The following FRMPD4 variants were observed in gnomAD, a reference collection of about 807,000 sequenced individuals.
FRMPD4 encodes the protein FERM and PDZ domain containing 4.
Under a neutral mutation model 94.1 loss-of-function variants are expected in FRMPD4, and 22 were observed. The observed-to-expected ratio is 0.23, with a 90% CI of 0.17 to 0.33. The LOEUF (loss-of-function observed/expected upper bound fraction) is 0.33, where lower values mean the gene tolerates loss of function less well. Ranked by LOEUF, FRMPD4 falls within the 10% of genes least tolerant of loss-of-function variation. The probability of loss-of-function intolerance (pLI) is 1.00; values close to 1 mark genes in which losing one functional copy is unlikely to be tolerated. For missense variants in FRMPD4, 1,111 were observed against 1,339.9 expected (o/e 0.83, Z 2.67); for synonymous variants, 631 against 548.6 (o/e 1.15, Z -2.10).
At chrX:12,400,840 G>C (rs1008018346) in intron 1 of FRMPD4, among the ~76,000 whole-genome samples, 11 of 112,071 alleles carry the variant, frequency 9.8e-5, no homozygotes, top group African/African-American at 3.6e-4. Context: ...CTGATGTTGT[G>C]ACCAACAGTT....
intron 1 of FRMPD4, among the ~76,000 whole-genome samples, chrX:12,202,820 A>G (rs1323315784): frequency 1.8e-5 from 2 of 112,082 alleles, no homozygotes; most frequent in Non-Finnish European, 3.8e-5. Flanking sequence ...GCCATGTAAC[A>G]ACAGAGGCTG....
intron 3 of FRMPD4, among the ~76,000 whole-genome samples, chrX:11,994,129 A>G (rs1002846567): frequency 5.4e-5 from 6 of 110,586 alleles, no homozygotes; most frequent in Admixed American, 9.6e-5. Flanking sequence ...CAATTGCACG[A>G]AGGGGTGCAA....
chrX:11,978,689 T>C (rs1486500523), intron 3 of FRMPD4, among the ~76,000 whole-genome samples: 1 of 112,020 alleles, frequency 8.9e-6, no homozygotes, highest in Non-Finnish European at 1.9e-5. Flanking sequence ...AGTAGAGTGT[T>C]TGTGGAGAAC....
At chrX:12,658,756 G>C (rs12389844) in intron 4 of FRMPD4, among the ~76,000 whole-genome samples, 2,174 of 110,579 alleles carry the variant, frequency 0.02, 52 homozygotes, top group African/African-American at 0.067. Flanking sequence ...GCGCTCTTAA[G>C]AACCGAAGTT....
At chrX:12,531,211 A>G (rs1397231940) in intron 2 of FRMPD4, among the ~76,000 whole-genome samples, 1 of 112,640 alleles carries the variant, frequency 8.9e-6, no homozygotes, top group Non-Finnish European at 1.9e-5. Flanking sequence ...AAATCATATT[A>G]ACATTGTGGA....
chrX:12,441,623 G>C (rs1307189558), intron 1 of FRMPD4, among the ~76,000 whole-genome samples: 1 of 111,810 alleles, frequency 8.9e-6, no homozygotes, highest in East Asian at 2.8e-4. Context: ...AGCAAACTGA[G>C]AAGCTGGGGA....
At chrX:12,626,598 T>G (rs190252635) in intron 4 of FRMPD4, among the ~76,000 whole-genome samples, 21 of 98,655 alleles carry the variant, frequency 2.1e-4, no homozygotes, top group African/African-American at 7.9e-4. Flanking sequence ...GTAACTGGCC[T>G]TTAGAACCTG....
intron 3 of FRMPD4, among the ~76,000 whole-genome samples, chrX:12,112,498 A>G (rs929157032): frequency 1.8e-5 from 2 of 110,878 alleles, no homozygotes; most frequent in East Asian, 5.6e-4. Flanking sequence ...GCACACCAAC[A>G]TGGCGCATGT....
chrX:12,099,883 G>C (rs1333524864), intron 3 of FRMPD4, among the ~76,000 whole-genome samples: 1 of 112,749 alleles, frequency 8.9e-6, no homozygotes, highest in Admixed American at 9.4e-5. Context: ...ACTCTGAGCA[G>C]TAGTTTCTTC....
chrX:12,276,269 G>A (rs1053136517), intron 1 of FRMPD4, among the ~76,000 whole-genome samples: 1 of 112,153 alleles, frequency 8.9e-6, no homozygotes, highest in African/African-American at 3.2e-5. Context: ...AGCCAAATAC[G>A]AGTGACCAAA....
At chrX:11,848,458 T>C (rs1373618031) in intron 1 of FRMPD4, among the ~76,000 whole-genome samples, 1 of 111,071 alleles carries the variant, frequency 9.0e-6, no homozygotes, top group Non-Finnish European at 1.9e-5. Flanking sequence ...GATAAATCTG[T>C]TTGTGGGCTA....
Position 12,138,957 on chromosome X carries a change from TC to T in FRMPD4, c.-11del, listed in dbSNP as rs1460683591. The stretch of plus-strand genomic sequence containing the variant: ...GCGACGGAGTTGTCGCGCTCGGGGG[TC>T]CCCAGCTGCCTGCATGGATGTCTTC... On this transcript the variant is annotated 5_prime_UTR_variant, in exon 1 of 17. Coordinates refer to ENST00000675598, the MANE Select transcript of FRMPD4 (RefSeq NM_001368397.1). The T allele has an allele frequency of 1.7e-6, 2 of 1,151,562 alleles. No individual in the cohort carries two copies. The highest frequency in any genetic ancestry group is 1.2e-6 in the Non-Finnish European group (1 of 864,603). 94.9% of individuals were successfully genotyped at this position (1,151,562 alleles called of 1,213,427 possible).
intron 1 of FRMPD4, among the ~76,000 whole-genome samples, chrX:12,317,370 G>A (rs752687254): frequency 1.8e-5 from 2 of 110,319 alleles, no homozygotes; most frequent in East Asian, 5.6e-4. Flanking sequence ...CATTGGACTG[G>A]GCAAAGATTT....
At chrX:12,136,313 G>A (rs1335874865), upstream of FRMPD4, among the ~76,000 whole-genome samples, 1 of 100,736 alleles carries the variant, frequency 9.9e-6, no homozygotes, top group East Asian at 3.0e-4. Context: ...GAGCTCCAGT[G>A]GGAGATTCAG....
chrX:11,972,708 G>A (rs2054346753), intron 3 of FRMPD4, among the ~76,000 whole-genome samples: 1 of 112,235 alleles, frequency 8.9e-6, no homozygotes, highest in South Asian at 3.7e-4. Context: ...AGTGTCAACA[G>A]AATCAAATGA....
chrX:12,662,988 C>T (rs189486584), intron 4 of FRMPD4, among the ~76,000 whole-genome samples: 214 of 112,622 alleles, frequency 1.9e-3, no homozygotes, highest in African/African-American at 6.4e-3. Context: ...TTGTTGGCGG[C>T]ATAAATGTCT....
intron 1 of FRMPD4, among the ~76,000 whole-genome samples, chrX:12,450,870 A>AAAT (rs1288162844): frequency 2.0e-4 from 21 of 103,906 alleles, no homozygotes; most frequent in African/African-American, 7.2e-4. Flanking sequence ...ATCCAAAAAA[A>AAAT]AAAAAAAAAA....
At chrX:12,088,506 T>C (rs1423836857) in intron 3 of FRMPD4, among the ~76,000 whole-genome samples, 1 of 111,934 alleles carries the variant, frequency 8.9e-6, no homozygotes, top group Non-Finnish European at 1.9e-5. Context: ...TAGGGTCTAT[T>C]TTCTTGCCTG....
chrX:12,453,348 T>G (rs1181120303), intron 1 of FRMPD4, among the ~76,000 whole-genome samples: 1 of 111,905 alleles, frequency 8.9e-6, no homozygotes, highest in Non-Finnish European at 1.9e-5. Flanking sequence ...AATGAGGGAA[T>G]GGCAAGGTTG....
Sources: allele counts gnomAD v4.1 joint callset (sites outside exome capture counted in the v4.1 genomes callset), GRCh38; gene constraint gnomAD v4.1.1; transcripts MANE v1.5; gene names NCBI Gene and HGNC (gene_info 2026-07-23, HGNC 2026-07-21).